Variants in GEMIN8 observed in about 807,000 individuals in gnomAD.
GEMIN8 encodes gem-associated protein 8.
For synonymous variants in GEMIN8, 80 were observed against 78.5 expected, an observed-to-expected ratio of 1.02 and a Z score of -0.10; for missense variants, 185 against 205.9, an observed-to-expected ratio of 0.90 and a Z score of 0.62.
At chrX:13,995,210 T>C in the GEMIN8 span, among the ~76,000 whole-genome samples, 3 of 112,253 alleles carry the variant, frequency 2.7e-5, no homozygotes, top group Non-Finnish European at 3.8e-5. Flanking sequence ...TGGTAAAGTA[T>C]AGCACAGAGG....
At chrX:13,996,354 C>T in the GEMIN8 span, among the ~76,000 whole-genome samples, 4 of 111,934 alleles carry the variant, frequency 3.6e-5, no homozygotes, top group South Asian at 1.5e-3. Context: ...TAGAGACATA[C>T]CCAAGACTGA....
rs951384795 is a variant in GEMIN8, at chrX:14,018,877, C to T, written c.472+1201G>A. On this transcript the variant is annotated intron_variant, in intron 4 of 4. Transcript: ENST00000680255. ...AACTCCTGGGCTCAAGCCATCCTCC[C>T]GAGTTGCTGGGACTACAGGTGTGAG... is the stretch of plus-strand genomic sequence containing the variant. Among the ~76,000 whole-genome samples, 6 of 107,443 alleles carry T rather than the reference C, an allele frequency of 5.6e-5. No homozygotes were observed. In the East Asian group the frequency reaches 1.4e-3, roughly 26 times the overall value. The allele number at this position is 107,443 out of a possible 115,157, so 93.3% of individuals were successfully genotyped here.
chrX:14,019,870 G>A (rs1603198559), intron 4 of GEMIN8, among the ~76,000 whole-genome samples: 2 of 110,753 alleles, frequency 1.8e-5, no homozygotes, highest in African/African-American at 6.6e-5. Flanking sequence ...CTTTGTTCTG[G>A]AACAAAAAAA....
At chrX:14,014,971 C>A (rs1923814624) in intron 4 of GEMIN8, among the ~76,000 whole-genome samples, 1 of 111,798 alleles carries the variant, frequency 8.9e-6, no homozygotes, top group Admixed American at 9.5e-5. Context: ...CTGGCTCTAC[C>A]CCTCATGTGC....
At position 14,022,338 on chromosome X, in the gene GEMIN8, T is replaced by C. The variant is rs144406565; in HGVS notation, c.-33-827A>G. On this transcript the variant is annotated intron_variant, in intron 2 of 4. Coordinates refer to ENST00000680255, the MANE Select transcript of GEMIN8 (RefSeq NM_001042479.2). ...CAAATGGGCTTTGTTTTCATTTTGA[T>C]TGCAATATGCATTTCTCAGCCAGCA... 9.6e-3 allele frequency among the ~76,000 whole-genome samples: 1,059 copies of C among 110,616 alleles called. 11 individuals carry two copies. The highest frequency in any genetic ancestry group is 0.032 in the African/African-American group (984 of 30,349).
chrX:13,992,340 C>T, the GEMIN8 span, among the ~76,000 whole-genome samples: 2 of 111,484 alleles, frequency 1.8e-5, no homozygotes, highest in Admixed American at 9.6e-5. Context: ...GCTGTGGAGG[C>T]ATTGCAGTTT....
the GEMIN8 span, among the ~76,000 whole-genome samples, chrX:13,988,433 C>T: frequency 3.7e-5 from 4 of 109,471 alleles, no homozygotes; most frequent in Admixed American, 2.0e-4. Context: ...GTATTTTCAC[C>T]GTTTCCAGAT....
At chrX:14,012,948 T>C (rs1036515946) in intron 4 of GEMIN8, among the ~76,000 whole-genome samples, 9 of 111,391 alleles carry the variant, frequency 8.1e-5, no homozygotes, top group Non-Finnish European at 1.7e-4. Context: ...TTTTAAAAAG[T>C]CCTAAGGCTA....
chrX:13,997,752 G>A, the GEMIN8 span, among the ~76,000 whole-genome samples: 1 of 110,087 alleles, frequency 9.1e-6, no homozygotes, highest in Non-Finnish European at 1.9e-5. Context: ...AAAATTATTA[G>A]CCAGGTGTGG....
intron 1 of GEMIN8, chrX:14,029,484 C>A (rs771936408): frequency 1.8e-5 from 2 of 111,983 alleles, no homozygotes; most frequent in Non-Finnish European, 3.8e-5. Flanking sequence ...ATTCTGATTT[C>A]ATTGGTCCGG....
chrX:14,003,834 A>G (rs1172972744), downstream of GEMIN8, among the ~76,000 whole-genome samples: 2 of 112,492 alleles, frequency 1.8e-5, no homozygotes, highest in Non-Finnish European at 3.7e-5. Flanking sequence ...GGTGAGGCTT[A>G]TAGTAAGCTC....
downstream of GEMIN8, among the ~76,000 whole-genome samples, chrX:14,002,135 A>C (rs1343348237): frequency 5.6e-5 from 6 of 107,469 alleles, no homozygotes; most frequent in Admixed American, 6.0e-4. Flanking sequence ...TTTGTTAAAG[A>C]AACTGGGTCT....
chrX:14,018,158 A>T (rs1924056541), intron 4 of GEMIN8, among the ~76,000 whole-genome samples: 1 of 112,271 alleles, frequency 8.9e-6, no homozygotes, highest in Non-Finnish European at 1.9e-5. Flanking sequence ...ATTAAGTGGC[A>T]AGTATGACTT....
chrX:14,025,051 A>AT (rs965865347), intron 2 of GEMIN8, among the ~76,000 whole-genome samples: 4 of 112,030 alleles, frequency 3.6e-5, no homozygotes, highest in African/African-American at 1.3e-4. Flanking sequence ...AGCCTTTTAC[A>AT]TTTTAAGTCT....
intron 2 of GEMIN8, among the ~76,000 whole-genome samples, chrX:14,023,216 T>C (rs1924478660): frequency 8.9e-6 from 1 of 112,204 alleles, no homozygotes; most frequent in South Asian, 3.7e-4. Context: ...AACTGCTATG[T>C]GCTTTCCGGG....
intron 4 of GEMIN8, among the ~76,000 whole-genome samples, chrX:14,019,734 A>G (rs1024895410): frequency 1.8e-5 from 2 of 111,690 alleles, no homozygotes; most frequent in Middle Eastern, 4.2e-3. Flanking sequence ...ATATAAAATG[A>G]GTTTAATACT....
chrX:14,005,554 A>G (rs1923117055), downstream of GEMIN8, among the ~76,000 whole-genome samples: 1 of 111,944 alleles, frequency 8.9e-6, no homozygotes, highest in Non-Finnish European at 1.9e-5. Flanking sequence ...TCCTTTAGTA[A>G]GCAGGTAAAC....
At chrX:13,998,729 C>T in the GEMIN8 span, among the ~76,000 whole-genome samples, 51 of 111,787 alleles carry the variant, frequency 4.6e-4, 1 homozygote, top group Admixed American at 1.9e-3. Flanking sequence ...GTTAGGATTA[C>T]AGGCATGAGC....
At chrX:14,020,833 C>T (rs757800448) in intron 3 of GEMIN8, among the ~76,000 whole-genome samples, 2 of 111,229 alleles carry the variant, frequency 1.8e-5, no homozygotes, top group East Asian at 2.9e-4. Context: ...CTAGATGAGA[C>T]GCAGGGAGAG....
Sources: allele counts gnomAD v4.1 joint callset (sites outside exome capture counted in the v4.1 genomes callset), GRCh38; gene constraint gnomAD v4.1.1; transcripts MANE v1.5; gene names NCBI Gene and HGNC (gene_info 2026-07-23, HGNC 2026-07-21).